The following WNK1 variants were observed in gnomAD, a reference collection of about 807,000 sequenced individuals.
WNK1 encodes WNK lysine deficient protein kinase 1.
A neutral mutation model predicts 222.8 loss-of-function variants in WNK1; 38 were observed. The ratio of observed to expected loss-of-function variants is 0.17; its 90% CI spans 0.13 to 0.22. The LOEUF (loss-of-function observed/expected upper bound fraction) is 0.22, where lower values mean the gene tolerates loss of function less well. Ranked by LOEUF, WNK1 falls within the 10% of genes least tolerant of loss-of-function variation. WNK1 has a pLI of 1.00. For missense variants in WNK1, 2,348 were observed against 2,918.4 expected (o/e 0.80, Z 4.50); for synonymous variants, 1,090 against 1,092.9 (o/e 1.00, Z 0.05).
chr12:845,732 T>C (rs375069786), intron 4 of WNK1, among the ~76,000 whole-genome samples: 3 of 152,192 alleles, frequency 2.0e-5, no homozygotes, highest in Admixed American at 6.5e-5. Context: ...TCAACATCAT[T>C]ATTATTAATA....
intron 24 of WNK1, 59 bp downstream of exon 24, chr12:896,791 G>C: frequency 6.4e-7 from 1 of 1,568,100 alleles, no homozygotes; most frequent in Non-Finnish European, 8.6e-7. Flanking sequence ...CTAGATCCCA[G>C]GGCCAAGATT....
At chr12:877,959 G>T in intron 9 of WNK1, 1 of 509,198 alleles carries the variant, frequency 2.0e-6, no homozygotes, top group Non-Finnish European at 3.6e-6. Flanking sequence ...GGGTGAGGGA[G>T]ATAATTGGGT....
chr12:791,073 T>C (rs999672410), intron 1 of WNK1, among the ~76,000 whole-genome samples: 2 of 152,072 alleles, frequency 1.3e-5, no homozygotes, highest in African/African-American at 2.4e-5. Context: ...CAGCTTGATA[T>C]TTGAAAAAGG....
intron 8 of WNK1, chr12:869,244 G>T (rs1592102812): frequency 1.6e-6 from 2 of 1,276,204 alleles, no homozygotes; most frequent in Non-Finnish European, 2.3e-6. Context: ...CCCCATCTTT[G>T]GGGGGTTGTG....
intron 6 of WNK1, 114 bp from the exon 7 acceptor site, chr12:860,899 C>T: frequency 1.0e-6 from 1 of 998,008 alleles, no homozygotes; most frequent in South Asian, 1.4e-5. Context: ...TTCTTTCTTC[C>T]TCCTCTTCTC....
intron 4 of WNK1, among the ~76,000 whole-genome samples, chr12:850,935 GT>G (rs1352650143): frequency 3.3e-5 from 5 of 152,120 alleles, no homozygotes; most frequent in African/African-American, 1.2e-4. Context: ...CTATATCTCT[GT>G]TTTGGTACCA....
chr12:782,649 C>T (rs1245329163), intron 1 of WNK1, among the ~76,000 whole-genome samples: 3 of 152,046 alleles, frequency 2.0e-5, no homozygotes, highest in Non-Finnish European at 1.5e-5. Context: ...GGATTACAGG[C>T]ATGCACCACC....
chr12:886,950 G>A lies in WNK1; in HGVS notation c.5281-271G>A, dbSNP rs193231716. The stretch of plus-strand genomic sequence containing the variant: ...GGACACTGCCACTTATGTACATATA[G>A]CCTTTGTTCTGTTCTCCCTAGGGGA... On this transcript the variant is annotated intron_variant, in intron 19 of 27. Coordinates refer to ENST00000315939, the MANE Select transcript of WNK1 (RefSeq NM_018979.4). Among the ~76,000 whole-genome samples, 329 of 152,182 alleles carry A rather than the reference G, an allele frequency of 2.2e-3. 4 individuals are homozygous for A. The highest frequency in any genetic ancestry group is 2.5e-3 in the South Asian group (12 of 4,820).
chr12:907,038 A>AAAAAAAAAAAAT (rs1555163543), intron 26 of WNK1, among the ~76,000 whole-genome samples: 4 of 139,874 alleles, frequency 2.9e-5, no homozygotes, highest in Non-Finnish European at 6.2e-5. Context: ...AAAAAAAAAA[A>AAAAAAAAAAAAT]GCCGGGCGTG....
chr12:856,135 A>G lies in WNK1; in HGVS notation c.1312-1026A>G, dbSNP rs533675075. Among the ~76,000 whole-genome samples, 197 of 151,264 alleles carry G rather than the reference A, an allele frequency of 1.3e-3. 1 individual carries two copies. Among genetic ancestry groups the G allele is most frequent in the Non-Finnish European group, 2.4e-3 (164 of 67,776 alleles). On this transcript the variant is annotated intron_variant, in intron 4 of 27. Transcript: ENST00000315939. ...ATTACAGGTGTGAGCCACGGCGCCC[A>G]ACCTGAAAATTTATTTTTAAAGAAT... is the stretch of plus-strand genomic sequence containing the variant.
At position 754,240 on chromosome 12, in the gene WNK1, C is replaced by A. The variant is rs1267876131; in HGVS notation, c.675C>A (p.Ile225=). Residue 225 remains isoleucine (I), a synonymous_variant, in exon 1 of 28, where the codon ATC becomes ATA. Transcript: ENST00000315939. Reference sequence around the variant, plus strand: ...ATGGCCGCTTTCTCAAGTTTGACATCGAAATCGGCAGAGGCTCCTTTAAGA... The same window carrying A: ...ATGGCCGCTTTCTCAAGTTTGACATAGAAATCGGCAGAGGCTCCTTTAAGA... ...SNDGRFLKFD[I]EIGRGSFKTV... 6.2e-7 allele frequency: 1 copy of A among 1,613,730 alleles called. No homozygotes were observed. Among genetic ancestry groups the A allele is most frequent in the East Asian group, 2.2e-5 (1 of 44,886 alleles).
intron 8 of WNK1, among the ~76,000 whole-genome samples, chr12:867,329 A>G (rs1951758600): frequency 6.6e-6 from 1 of 152,180 alleles, no homozygotes; most frequent in African/African-American, 2.4e-5. Context: ...ATCTCTTCTG[A>G]TTTCTGGTTA....
Position 868,650 on chromosome 12 carries a change from G to C in WNK1, c.2140-2615G>C, listed in dbSNP as rs766332400. 4.3e-6 allele frequency: 7 copies of C among 1,614,016 alleles called. No individual in the cohort carries two copies. The East Asian group carries it at 1.3e-4, about 31-fold the overall frequency. On this transcript the variant is annotated intron_variant, in intron 8 of 27. Transcript: ENST00000315939. ...TTTGAATTTCATGTTCACACACCAA[G>C]CTCCTCTTCAGGAGAAGGAGGTGGA...
chr12:844,545 A>G (rs1949878651), intron 4 of WNK1, among the ~76,000 whole-genome samples: 1 of 152,228 alleles, frequency 6.6e-6, no homozygotes, highest in South Asian at 2.1e-4. Flanking sequence ...CTTAGTTTCT[A>G]AGGATGCCGC....
intron 23 of WNK1, among the ~76,000 whole-genome samples, chr12:895,573 C>T (rs1026210117): frequency 7.2e-5 from 11 of 152,186 alleles, no homozygotes; most frequent in Non-Finnish European, 2.9e-5. Flanking sequence ...ATTCTCCTGC[C>T]TCAGCCTCCC....
intron 9 of WNK1, among the ~76,000 whole-genome samples, chr12:877,795 A>G (rs1952764659): frequency 6.6e-6 from 1 of 152,334 alleles, no homozygotes; most frequent in South Asian, 2.1e-4. Context: ...AGGGTAAGGA[A>G]AAAAGATTAA....
rs1457618726 is a variant in WNK1 at position 884,666 on chromosome 12, C to G, written c.3862C>G (p.Gln1288Glu). 6.2e-7 allele frequency: 1 copy of G among 1,614,192 alleles called. No homozygotes were observed. Among genetic ancestry groups the G allele is most frequent in the East Asian group, 2.2e-5 (1 of 44,888 alleles). Residue 1288 changes from glutamine to glutamate, a missense_variant, in exon 19 of 28, where the codon CAG becomes GAG. Around this residue, in one of 13 missense-constraint regions of WNK1, gnomAD observed 1,144 missense variants for 1,273.6 expected, o/e 0.90. Coordinates refer to ENST00000315939, the MANE Select transcript of WNK1 (RefSeq NM_018979.4). This position sits in a 1 kb window ranked among gnomAD's most constrained non-coding sequence, Gnocchi z 5.6. Reference protein sequence around the residue: ...ITDTVAASTAQSPGMNLSHSA... With the variant: ...ITDTVAASTAESPGMNLSHSA... ...CTTTGCAGTTGCTGCCTCTACAGCT[C>G]AGAGCCCTGGAATGAACTTGTCTCA...
At chr12:821,383 A>G (rs1947867675) in intron 2 of WNK1, among the ~76,000 whole-genome samples, 1 of 152,148 alleles carries the variant, frequency 6.6e-6, no homozygotes. Context: ...GCTTTTTGGA[A>G]GAGTAGGATT....
At position 879,613 on chromosome 12, in the gene WNK1, C is replaced by T; in HGVS notation, c.2414C>T (p.Pro805Leu). The T allele has an allele frequency of 6.2e-7, 1 of 1,611,056 alleles. No homozygotes were observed. Among genetic ancestry groups the T allele is most frequent in the Non-Finnish European group, 8.5e-7 (1 of 1,179,426 alleles). The change falls in exon 11 of 28, where the codon CCT becomes CTT. Residue 805 changes from proline to leucine, a missense_variant. By Grantham distance (98) the Pro-to-Leu change is moderately conservative (BLOSUM62 -3). This residue lies in a region of WNK1 where 547 missense variants were observed against 558.3 expected (regional missense o/e 0.98). Coordinates refer to ENST00000315939, the MANE Select transcript of WNK1 (RefSeq NM_018979.4). ...CCAGTACCAACTATCCAAGGCGAACCTCAGATCCCAGTTGCGACACAACCC... is the reference window on the plus strand; with the variant it reads ...CCAGTACCAACTATCCAAGGCGAACTTCAGATCCCAGTTGCGACACAACCC... ...SQPVPTIQGE[P>L]QIPVATQPSV...
Sources: allele counts gnomAD v4.1 joint callset (sites outside exome capture counted in the v4.1 genomes callset), GRCh38; gene constraint gnomAD v4.1.1; regional missense constraint gnomAD v4.1.1; non-coding constraint Gnocchi (gnomAD v3.1); transcripts MANE v1.5; gene names NCBI Gene and HGNC (gene_info 2026-07-23, HGNC 2026-07-21).